Variants in CNTNAP5 observed in about 807,000 individuals in gnomAD.
CNTNAP5 encodes contactin associated protein family member 5.
CNTNAP5 carries 72 observed loss-of-function variants against 150.2 expected under a neutral mutation model. The observed-to-expected ratio is 0.48, with a 90% CI of 0.40 to 0.58. The LOEUF is 0.58. CNTNAP5 is among the 20% of genes least tolerant of loss of function. The pLI, the probability that CNTNAP5 is intolerant of heterozygous loss-of-function variation, is 0.00. For synonymous variants in CNTNAP5, 672 were observed against 619.8 expected, an observed-to-expected ratio of 1.08 and a Z score of -1.25; for missense variants, 1,636 against 1,626.2, an observed-to-expected ratio of 1.01 and a Z score of -0.10.
intron 2 of CNTNAP5, among the ~76,000 whole-genome samples, chr2:124,240,242 G>A (rs1431400663): frequency 6.6e-6 from 1 of 152,166 alleles, no homozygotes; most frequent in Non-Finnish European, 1.5e-5. Flanking sequence ...CATCTACTAG[G>A]TGAACGTGTT....
chr2:124,871,696 C>A, intron 21 of CNTNAP5, among the ~76,000 whole-genome samples: 1 of 152,218 alleles, frequency 6.6e-6, no homozygotes, highest in Non-Finnish European at 1.5e-5. Context: ...CTCTGACCAC[C>A]TCCATACCTA....
chr2:124,375,850 G>A (rs1260547118), intron 3 of CNTNAP5, among the ~76,000 whole-genome samples: 1 of 152,032 alleles, frequency 6.6e-6, no homozygotes, highest in East Asian at 1.9e-4. Context: ...CAGACAAAAT[G>A]AAGAAATATA....
intron 19 of CNTNAP5, among the ~76,000 whole-genome samples, chr2:124,852,160 G>A (rs539344880): frequency 1.1e-3 from 172 of 152,168 alleles, no homozygotes; most frequent in Non-Finnish European, 1.2e-3. Flanking sequence ...TTGCAATTAC[G>A]GAGGGTTTGC....
At chr2:124,829,117 G>A (rs555342851) in intron 19 of CNTNAP5, among the ~76,000 whole-genome samples, 7 of 152,216 alleles carry the variant, frequency 4.6e-5, no homozygotes, top group Admixed American at 2.6e-4. Flanking sequence ...ATAGTGACTC[G>A]GGCAAGAGAT....
intron 1 of CNTNAP5, among the ~76,000 whole-genome samples, chr2:124,109,755 A>G (rs1200180953): frequency 6.6e-6 from 1 of 152,172 alleles, no homozygotes; most frequent in East Asian, 1.9e-4. Context: ...AATGTTAAAT[A>G]GCAGGTAAAT....
chr2:124,809,380 G>GTATTTATTTATTTATT (rs71387244), intron 19 of CNTNAP5, among the ~76,000 whole-genome samples: 1 of 144,934 alleles, frequency 6.9e-6, no homozygotes, highest in East Asian at 2.0e-4. Context: ...CAATAATATG[G>GTATTTATTTATTTATT]TATTTATTTA....
chr2:124,432,528 A>G (rs1327784456), intron 4 of CNTNAP5, among the ~76,000 whole-genome samples: 1 of 152,146 alleles, frequency 6.6e-6, no homozygotes, highest in Non-Finnish European at 1.5e-5. Context: ...TAATGTCTGC[A>G]TTTGCCATTA....
intron 14 of CNTNAP5, among the ~76,000 whole-genome samples, chr2:124,758,695 A>C (rs944775018): frequency 6.6e-6 from 1 of 151,994 alleles, no homozygotes; most frequent in South Asian, 2.1e-4. Context: ...AAAAGAAGGG[A>C]AGTAACTAGA....
chr2:124,675,923 A>G (rs907813225), intron 13 of CNTNAP5, among the ~76,000 whole-genome samples: 1 of 152,120 alleles, frequency 6.6e-6, no homozygotes, highest in African/African-American at 2.4e-5. Flanking sequence ...TCCTGTTTAT[A>G]TCTAGTAATG....
intron 3 of CNTNAP5, among the ~76,000 whole-genome samples, chr2:124,362,233 C>T (rs1042208495): frequency 6.6e-5 from 10 of 152,320 alleles, no homozygotes; most frequent in African/African-American, 1.7e-4. Flanking sequence ...GAGATGAACC[C>T]GGTACGTCAC....
intron 4 of CNTNAP5, among the ~76,000 whole-genome samples, chr2:124,431,732 A>G (rs1225476899): frequency 6.7e-6 from 1 of 148,880 alleles, no homozygotes; most frequent in East Asian, 1.9e-4. Context: ...TGTAATATTT[A>G]TTTATATAAA....
chr2:124,456,093 T>C (rs975810425), intron 6 of CNTNAP5, among the ~76,000 whole-genome samples: 2 of 152,090 alleles, frequency 1.3e-5, no homozygotes, highest in African/African-American at 4.8e-5. Flanking sequence ...AGAAATAAAG[T>C]GCATCCAAAA....
rs1404942055 is a variant in CNTNAP5 at position 124,177,137 on chromosome 2, C to A, written c.83-44568C>A. ...TGATGGGACTATAGGTGTGAATCACCACAACTGGCTCAGATAATGTCTTTA... is the reference window on the plus strand; with the variant it reads ...TGATGGGACTATAGGTGTGAATCACAACAACTGGCTCAGATAATGTCTTTA... On this transcript the variant is annotated intron_variant, in intron 1 of 23. Transcript: ENST00000682447. Among the ~76,000 whole-genome samples, 2 of 152,008 alleles carry A rather than the reference C, an allele frequency of 1.3e-5. 1 individual carries two copies. The highest frequency in any genetic ancestry group is 2.9e-5 in the Non-Finnish European group (2 of 68,038).
intron 6 of CNTNAP5, among the ~76,000 whole-genome samples, chr2:124,467,326 C>A (rs1693400598): frequency 6.6e-6 from 1 of 152,074 alleles, no homozygotes; most frequent in African/African-American, 2.4e-5. Flanking sequence ...AGAGGAAAAG[C>A]CAAGGTTGGG....
chr2:124,633,857 G>T (rs1677916802), intron 12 of CNTNAP5, among the ~76,000 whole-genome samples: 1 of 152,166 alleles, frequency 6.6e-6, no homozygotes, highest in Non-Finnish European at 1.5e-5. Flanking sequence ...AAGGCTTATG[G>T]CTCGCACCCT....
intron 8 of CNTNAP5, among the ~76,000 whole-genome samples, chr2:124,506,168 G>A (rs1361365777): frequency 3.5e-5 from 5 of 144,592 alleles, no homozygotes; most frequent in Admixed American, 7.1e-5. Context: ...CTGATTAGCT[G>A]CAGTTAGAAG....
At chr2:124,585,713 T>A (rs1696516147) in intron 11 of CNTNAP5, among the ~76,000 whole-genome samples, 1 of 125,288 alleles carries the variant, frequency 8.0e-6, no homozygotes, top group African/African-American at 3.2e-5. Flanking sequence ...TGTGGAAGAG[T>A]AGTACTTGGG....
At chr2:124,166,706 A>G (rs1684815594) in intron 1 of CNTNAP5, among the ~76,000 whole-genome samples, 1 of 152,196 alleles carries the variant, frequency 6.6e-6, no homozygotes, top group African/African-American at 2.4e-5. Context: ...CCTTCCATGC[A>G]GTGATGGCCA....
chr2:124,461,195 A>G (rs1031696239), intron 6 of CNTNAP5, among the ~76,000 whole-genome samples: 7 of 152,108 alleles, frequency 4.6e-5, no homozygotes, highest in Non-Finnish European at 5.9e-5. Flanking sequence ...CCAAAAGACT[A>G]TAAATCATGC....
Sources: gnomAD v4.1 joint callset for allele counts (sites outside exome capture counted in the v4.1 genomes callset) on GRCh38, gnomAD v4.1.1 for gene constraint, MANE v1.5 for transcripts, NCBI Gene and HGNC (gene_info 2026-07-23, HGNC 2026-07-21) for gene names.